Variants in PACS1 observed in about 807,000 individuals in gnomAD.
PACS1 encodes PACS-1.
A neutral mutation model predicts 115.0 loss-of-function variants in PACS1; 24 were observed. That is an observed-to-expected ratio of 0.21 (90% CI 0.15 to 0.29). The LOEUF is 0.29. Ranked by LOEUF, PACS1 falls within the 10% of genes least tolerant of loss-of-function variation. The probability of loss-of-function intolerance (pLI) is 1.00; values close to 1 mark genes in which losing one functional copy is unlikely to be tolerated. For missense variants in PACS1, 838 were observed against 1,251.2 expected (o/e 0.67, Z 4.98); for synonymous variants, 453 against 504.5 (o/e 0.90, Z 1.37).
chr11:66,114,578 T>G (rs373193440), intron 1 of PACS1, among the ~76,000 whole-genome samples: 9 of 152,298 alleles, frequency 5.9e-5, no homozygotes, highest in African/African-American at 2.2e-4. Flanking sequence ...TTCACTCTAA[T>G]AGTCAAAAAA....
chr11:66,096,675 T>C lies in PACS1; in HGVS notation c.356+25833T>C, dbSNP rs528055499. Among the ~76,000 whole-genome samples the C allele has an allele frequency of 2.0e-4, 31 of 151,900 alleles. No homozygotes were observed. The South Asian group carries it at 6.2e-3, about 31-fold the overall frequency. The stretch of plus-strand genomic sequence containing the variant: ...TGCGCCACCATGCCTGGCTAATTTT[T>C]TTTATTTTGTGGAGACGGGGTTTCT... On this transcript the variant is annotated intron_variant, in intron 1 of 23. Transcript: ENST00000320580.
At chr11:66,200,902 A>G (rs1854774851) in intron 2 of PACS1, among the ~76,000 whole-genome samples, 1 of 152,000 alleles carries the variant, frequency 6.6e-6, no homozygotes, top group Non-Finnish European at 1.5e-5. Flanking sequence ...TAGGTTACAA[A>G]ACAAGTCTTA....
chr11:66,168,282 TATCAATTTGGAGGAGA>T (rs1324258687), intron 1 of PACS1, among the ~76,000 whole-genome samples: 1 of 150,608 alleles, frequency 6.6e-6, no homozygotes, highest in Non-Finnish European at 1.5e-5. Flanking sequence ...TAATTTTTTA[TATCAATTTGGAGGAGA>T]ATCAACGTAT....
intron 2 of PACS1, 88 bp downstream of exon 2, chr11:66,193,661 C>T: frequency 1.2e-6 from 1 of 844,774 alleles, no homozygotes; most frequent in Admixed American, 1.9e-5. Flanking sequence ...ACTACTGGGA[C>T]CACCTCTGTC....
intron 1 of PACS1, among the ~76,000 whole-genome samples, chr11:66,142,944 T>C (rs1859031560): frequency 6.6e-6 from 1 of 151,710 alleles, no homozygotes; most frequent in Non-Finnish European, 1.5e-5. Flanking sequence ...TCGCATGCCA[T>C]TACTGGTCAA....
At chr11:66,230,473 TG>T in intron 11 of PACS1, 74 bp from the exon 12 acceptor site, 1 of 965,812 alleles carries the variant, frequency 1.0e-6, no homozygotes, top group Non-Finnish European at 1.7e-6. Context: ...TGATGGGGCC[TG>T]GCCAGTCCAA....
rs145950079 is a variant in PACS1 at position 66,118,904 on chromosome 11, A to G, written c.356+48062A>G. Among the ~76,000 whole-genome samples the G allele has an allele frequency of 4.2e-3, 641 of 152,330 alleles. 3 individuals are homozygous for G. The highest frequency in any genetic ancestry group is 0.014 in the African/African-American group (578 of 41,578). On this transcript the variant is annotated intron_variant, in intron 1 of 23. Transcript: ENST00000320580. ...TCAGCTAGGAATACAGAAACTAAAA[A>G]ACATTGCTTGCCCTTGTGACTGGGG...
chr11:66,152,275 A>G (rs1859257184), intron 1 of PACS1, among the ~76,000 whole-genome samples: 1 of 152,210 alleles, frequency 6.6e-6, no homozygotes, highest in African/African-American at 2.4e-5. Context: ...TTTTGAAATG[A>G]CAGAGAAAAG....
chr11:66,234,322 C>T, intron 17 of PACS1, 80 bp downstream of exon 17: 1 of 897,128 alleles, frequency 1.1e-6, no homozygotes, highest in Non-Finnish European at 1.9e-6. Flanking sequence ...AGGCTGAGGT[C>T]ATGCTGCTTT....
intron 2 of PACS1, among the ~76,000 whole-genome samples, chr11:66,196,499 C>T (rs1261377624): frequency 6.6e-6 from 1 of 152,168 alleles, no homozygotes; most frequent in African/African-American, 2.4e-5. Flanking sequence ...TCCAGACAAA[C>T]AGGTTATTTA....
rs71461611 is a variant in PACS1, at chr11:66,215,902, AAATAATAATAATAATAAT to A, written c.661-184_661-167del. Among the ~76,000 whole-genome samples the A allele has an allele frequency of 2.3e-3, 317 of 136,986 alleles. 1 individual carries two copies. Among genetic ancestry groups the A allele is most frequent in the African/African-American group, 7.6e-3 (284 of 37,144 alleles). The allele number at this position is 136,986 out of a possible 152,430, so 89.9% of individuals were successfully genotyped here. ...GCGACAGTGAGAGACTCCGTCTCAA[AAATAATAATAATAATAAT>A]AATAATAATAATAATAATAATAATA... is the stretch of plus-strand genomic sequence containing the variant. On this transcript the variant is annotated intron_variant, in intron 4 of 23. Coordinates refer to ENST00000320580, the MANE Select transcript of PACS1 (RefSeq NM_018026.4).
intron 1 of PACS1, among the ~76,000 whole-genome samples, chr11:66,111,176 A>T (rs187372449): frequency 2.0e-5 from 3 of 152,326 alleles, no homozygotes; most frequent in African/African-American, 2.4e-5. Flanking sequence ...ACTTTAGGCA[A>T]TTGTAACACA....
intron 1 of PACS1, among the ~76,000 whole-genome samples, chr11:66,126,650 G>A (rs1053015027): frequency 6.0e-5 from 9 of 149,264 alleles, no homozygotes; most frequent in African/African-American, 9.8e-5. Flanking sequence ...TGGGAATTTT[G>A]AGAATTGTTA....
rs55677222 is a variant in PACS1, at chr11:66,202,726, G to GAAAAAAAAAAAAAAAA, written c.445-7634_445-7619dup. Among the ~76,000 whole-genome samples, 2 of 10,960 alleles carry GAAAAAAAAAAAAAAAA rather than the reference G, an allele frequency of 1.8e-4. 1 individual carries two copies. The highest frequency in any genetic ancestry group is 4.8e-4 in the African/African-American group (2 of 4,188). 7.2% of individuals were successfully genotyped at this position (10,960 alleles called of 152,430 possible). ...CAACATGGCAAAACCTCATCTCTAG[G>GAAAAAAAAAAAAAAAA]AAAAAAAAAAAAAAAAATATATATA... On this transcript the variant is annotated intron_variant, in intron 2 of 23. Coordinates refer to ENST00000320580, the MANE Select transcript of PACS1 (RefSeq NM_018026.4).
intron 1 of PACS1, among the ~76,000 whole-genome samples, chr11:66,190,517 C>G (rs1006192890): frequency 5.3e-5 from 8 of 152,138 alleles, no homozygotes; most frequent in African/African-American, 1.9e-4. Flanking sequence ...CCTCCACCTC[C>G]CGGGTTCAAG....
chr11:66,142,035 C>T (rs1859003697), intron 1 of PACS1, among the ~76,000 whole-genome samples: 1 of 151,996 alleles, frequency 6.6e-6, no homozygotes, highest in African/African-American at 2.4e-5. Context: ...GTCTCAAACT[C>T]CTGACCTCAA....
intron 1 of PACS1, among the ~76,000 whole-genome samples, chr11:66,148,161 T>C (rs1859166214): frequency 6.6e-6 from 1 of 152,076 alleles, no homozygotes; most frequent in South Asian, 2.1e-4. Flanking sequence ...TTAATTATTA[T>C]TATTATTTTT....
At chr11:66,239,115 CTGTGT>C in intron 20 of PACS1, 22 bp from the exon 21 acceptor site, 1 of 1,614,086 alleles carries the variant, frequency 6.2e-7, no homozygotes, top group Non-Finnish European at 8.5e-7. Context: ...CTCTGGCCAA[CTGTGT>C]TTGTCGTTTG....
Position 66,236,010 on chromosome 11 carries a change from AAAAC to A in PACS1, c.2250+74_2250+77del. The A allele has an allele frequency of 7.3e-7, 1 of 1,373,090 alleles. No homozygotes were observed. The allele number at this position is 1,373,090 out of a possible 1,614,324, so 85.1% of individuals were successfully genotyped here. A position where few individuals can be genotyped will look rare whatever the true frequency, so the allele number is the denominator to read the frequency against. On this transcript the variant is annotated intron_variant, in intron 19 of 23. Transcript: ENST00000320580. The surrounding 1 kb of genome is among the most constrained non-coding windows in gnomAD (Gnocchi z 4.2). The stretch of plus-strand genomic sequence containing the variant: ...GTCTTCCTGTTCCCCCTTACACAGG[AAAAC>A]AAAAGATTCATCTAGAACAGTGGTT...
Sources: allele counts gnomAD v4.1 joint callset (sites outside exome capture counted in the v4.1 genomes callset), GRCh38; gene constraint gnomAD v4.1.1; non-coding constraint Gnocchi (gnomAD v3.1); transcripts MANE v1.5; gene names NCBI Gene and HGNC (gene_info 2026-07-23, HGNC 2026-07-21).